PCSK5: variants seen among roughly 807,000 people sequenced by gnomAD.
PCSK5 encodes prohormone convertase 5.
A neutral mutation model predicts 233.2 loss-of-function variants in PCSK5; 129 were observed. The observed-to-expected ratio is 0.55, with a 90% CI of 0.48 to 0.64. The LOEUF is 0.64. Ranked by LOEUF, PCSK5 falls within the 30% of genes least tolerant of loss-of-function variation. The pLI is 0.00. For synonymous variants in PCSK5, 825 were observed against 879.2 expected, an observed-to-expected ratio of 0.94 and a Z score of 1.09; for missense variants, 2,076 against 2,430.1, an observed-to-expected ratio of 0.85 and a Z score of 3.06.
chr9:75,987,417 G>T (rs185302219), intron 3 of PCSK5, among the ~76,000 whole-genome samples: 5 of 151,646 alleles, frequency 3.3e-5, no homozygotes, highest in African/African-American at 4.9e-5. Context: ...TTGGACTTGT[G>T]GGGGGGCGGG....
At chr9:76,283,700 G>A (rs1827957002) in intron 24 of PCSK5, among the ~76,000 whole-genome samples, 1 of 152,052 alleles carries the variant, frequency 6.6e-6, no homozygotes. Context: ...TTTTATTAAG[G>A]CATAACCAAT....
chr9:76,246,574 G>A (rs1826606384), intron 24 of PCSK5, among the ~76,000 whole-genome samples: 1 of 152,044 alleles, frequency 6.6e-6, no homozygotes, highest in African/African-American at 2.4e-5. Context: ...ACCCCTTCTA[G>A]GAATTTACCC....
chr9:76,027,138 T>C, intron 5 of PCSK5, 101 bp downstream of exon 5: 1 of 692,274 alleles, frequency 1.4e-6, no homozygotes, highest in Non-Finnish European at 2.5e-6. Context: ...TGATAACATA[T>C]GATTGCTAAT....
intron 3 of PCSK5, among the ~76,000 whole-genome samples, chr9:76,022,355 G>A (rs1195253879): frequency 6.6e-6 from 1 of 152,204 alleles, no homozygotes; most frequent in African/African-American, 2.4e-5. Context: ...AATGACGTGT[G>A]TGTTAAGTGA....
At chr9:76,301,032 G>A (rs976676362) in intron 27 of PCSK5, among the ~76,000 whole-genome samples, 9 of 152,112 alleles carry the variant, frequency 5.9e-5, no homozygotes, top group Non-Finnish European at 1.3e-4. Flanking sequence ...CAGGACTTTG[G>A]GAAGCTGAGG....
intron 7 of PCSK5, among the ~76,000 whole-genome samples, chr9:76,086,862 T>C (rs1319959077): frequency 1.3e-5 from 2 of 152,190 alleles, no homozygotes; most frequent in Non-Finnish European, 2.9e-5. Flanking sequence ...CAACTTTACA[T>C]AATATCCATA....
chr9:76,096,582 C>T (rs766497878), intron 8 of PCSK5, among the ~76,000 whole-genome samples: 5 of 151,784 alleles, frequency 3.3e-5, no homozygotes, highest in Non-Finnish European at 7.4e-5. Flanking sequence ...TGAACTAAAC[C>T]TCTGTAAAAG....
At chr9:76,286,143 T>A (rs1202271540) in intron 24 of PCSK5, among the ~76,000 whole-genome samples, 3 of 152,194 alleles carry the variant, frequency 2.0e-5, no homozygotes, top group Admixed American at 6.5e-5. Flanking sequence ...GCAGGTCATT[T>A]TTCCCCCCAT....
At chr9:76,078,468 G>T (rs1242860261) in intron 7 of PCSK5, among the ~76,000 whole-genome samples, 1 of 152,108 alleles carries the variant, frequency 6.6e-6, no homozygotes, top group Non-Finnish European at 1.5e-5. Context: ...GTGAAAGGTA[G>T]GGGTCCAGTT....
chr9:75,978,511 G>A (rs1252328370), intron 2 of PCSK5, among the ~76,000 whole-genome samples: 1 of 152,064 alleles, frequency 6.6e-6, no homozygotes, highest in Non-Finnish European at 1.5e-5. Flanking sequence ...ATGAACTTGA[G>A]TAGTATGTTT....
intron 2 of PCSK5, among the ~76,000 whole-genome samples, chr9:75,982,040 A>G (rs1425427203): frequency 6.6e-6 from 1 of 152,218 alleles, no homozygotes; most frequent in Non-Finnish European, 1.5e-5. Context: ...TTTTTTGTGT[A>G]TAATCACTTT....
intron 24 of PCSK5, among the ~76,000 whole-genome samples, chr9:76,273,600 T>C (rs1219988736): frequency 1.4e-5 from 2 of 146,454 alleles, no homozygotes; most frequent in African/African-American, 5.0e-5. Flanking sequence ...TATATATTTG[T>C]ACTGCTTCTT....
intron 8 of PCSK5, among the ~76,000 whole-genome samples, chr9:76,098,089 C>T (rs1831609522): frequency 6.6e-6 from 1 of 152,172 alleles, no homozygotes; most frequent in African/African-American, 2.4e-5. Context: ...CATTCTATTC[C>T]TCTTGATTCC....
rs1564159650 is a variant in PCSK5, at chr9:76,289,524, AC to A, written c.3143-2708del. ...ACACACACACACGCAACATACACAC[AC>A]ACACACACACACACACACACACTAG... On this transcript the variant is annotated intron_variant, in intron 24 of 37. Transcript: ENST00000674117. Among the ~76,000 whole-genome samples the A allele has an allele frequency of 7.8e-3, 700 of 90,238 alleles. 7 individuals are homozygous for A. Among genetic ancestry groups the A allele is most frequent in the African/African-American group, 0.025 (649 of 26,334 alleles). The allele number at this position is 90,238 out of a possible 152,430, so 59.2% of individuals were successfully genotyped here.
chr9:76,016,392 G>C (rs1447667585), intron 3 of PCSK5, among the ~76,000 whole-genome samples: 1 of 152,224 alleles, frequency 6.6e-6, no homozygotes, highest in Non-Finnish European at 1.5e-5. Context: ...AAGTGAGAAG[G>C]AGAAGTGACA....
At chr9:75,909,112 G>T (rs533737063) in intron 1 of PCSK5, among the ~76,000 whole-genome samples, 1 of 151,808 alleles carries the variant, frequency 6.6e-6, no homozygotes, top group African/African-American at 2.4e-5. Flanking sequence ...ATCACCTGAG[G>T]TTAGGAGTTT....
intron 7 of PCSK5, among the ~76,000 whole-genome samples, chr9:76,080,135 C>T (rs970678184): frequency 3.9e-5 from 6 of 152,028 alleles, no homozygotes; most frequent in African/African-American, 1.4e-4. Context: ...ACCTTGCCAT[C>T]CTCCAACTTT....
chr9:76,149,024 A>C (rs1163401866), intron 10 of PCSK5, among the ~76,000 whole-genome samples: 1 of 152,178 alleles, frequency 6.6e-6, no homozygotes, highest in Non-Finnish European at 1.5e-5. Context: ...TTTAAGAGCC[A>C]TCTCAAGTCT....
chr9:76,303,663 T>C (rs759915130), intron 28 of PCSK5, among the ~76,000 whole-genome samples: 44 of 152,202 alleles, frequency 2.9e-4, no homozygotes, highest in Admixed American at 2.6e-3. Context: ...AGCAACAGGA[T>C]TGTTGCTTGC....
Sources: gnomAD v4.1 joint callset for allele counts (sites outside exome capture counted in the v4.1 genomes callset) on GRCh38, gnomAD v4.1.1 for gene constraint, MANE v1.5 for transcripts, NCBI Gene and HGNC (gene_info 2026-07-23, HGNC 2026-07-21) for gene names.